PABPC4L: variants seen among roughly 807,000 people sequenced by gnomAD.
PABPC4L encodes the protein polyadenylate-binding protein 4-like.
For synonymous variants in PABPC4L, 169 were observed against 164.1 expected, an observed-to-expected ratio of 1.03 and a Z score of -0.23; for missense variants, 452 against 451.4, an observed-to-expected ratio of 1.00 and a Z score of -0.01.
the PABPC4L span, among the ~76,000 whole-genome samples, chr4:134,068,094 G>T: frequency 6.6e-6 from 1 of 152,094 alleles, no homozygotes; most frequent in East Asian, 1.9e-4. Context: ...CTGTTTTGAT[G>T]ATCTTTCTAA....
the PABPC4L span, among the ~76,000 whole-genome samples, chr4:134,188,970 T>A: frequency 3.9e-5 from 6 of 152,182 alleles, no homozygotes; most frequent in Middle Eastern, 0.01. Flanking sequence ...AGTTCTTGGA[T>A]AATTTTATTT....
the PABPC4L span, among the ~76,000 whole-genome samples, chr4:134,083,401 C>CA: frequency 7.5e-4 from 108 of 144,788 alleles, no homozygotes; most frequent in East Asian, 1.6e-3. Context: ...AGCAACTTGC[C>CA]AAAAAAAAAA....
chr4:134,176,685 C>T, the PABPC4L span, among the ~76,000 whole-genome samples: 2 of 151,980 alleles, frequency 1.3e-5, no homozygotes, highest in African/African-American at 2.4e-5. Context: ...CAGGGGGACA[C>T]AGAACAGAGG....
chr4:134,004,338 A>G, the PABPC4L span, among the ~76,000 whole-genome samples: 3 of 151,982 alleles, frequency 2.0e-5, no homozygotes, highest in East Asian at 5.8e-4. Context: ...AAGGACCTGA[A>G]TAGACATTTC....
At chr4:134,032,588 A>G in the PABPC4L span, among the ~76,000 whole-genome samples, 2 of 152,056 alleles carry the variant, frequency 1.3e-5, no homozygotes, top group South Asian at 2.1e-4. Context: ...TGCACACACT[A>G]TAACAGTAAA....
At chr4:133,987,846 C>T in the PABPC4L span, among the ~76,000 whole-genome samples, 1 of 152,136 alleles carries the variant, frequency 6.6e-6, no homozygotes, top group East Asian at 1.9e-4. Context: ...TAAAGAAATA[C>T]CTGAGTCTGA....
At chr4:133,978,699 T>C in the PABPC4L span, 2 of 152,286 alleles carry the variant, frequency 1.3e-5, no homozygotes, top group East Asian at 3.9e-4. Context: ...AATATAAATT[T>C]ATATTATTAC....
chr4:134,026,756 G>A, the PABPC4L span, among the ~76,000 whole-genome samples: 257 of 152,254 alleles, frequency 1.7e-3, 2 homozygotes, highest in African/African-American at 5.8e-3. Context: ...AATCTTACTG[G>A]TGTTCTATAA....
At chr4:134,152,787 G>C in the PABPC4L span, among the ~76,000 whole-genome samples, 1 of 152,104 alleles carries the variant, frequency 6.6e-6, no homozygotes, top group Non-Finnish European at 1.5e-5. Context: ...AAGCAAAAAG[G>C]TTTTATTTGG....
chr4:133,969,826 TG>T, the PABPC4L span, among the ~76,000 whole-genome samples: 1 of 152,068 alleles, frequency 6.6e-6, no homozygotes, highest in African/African-American at 2.4e-5. Flanking sequence ...ACGCTTATCT[TG>T]ACTATCATAC....
the PABPC4L span, among the ~76,000 whole-genome samples, chr4:134,088,504 T>A: frequency 1.3e-5 from 2 of 152,132 alleles, no homozygotes; most frequent in Non-Finnish European, 2.9e-5. Flanking sequence ...CCAAAATTCA[T>A]GTGTTGAAAC....
At chr4:134,122,975 A>C in the PABPC4L span, among the ~76,000 whole-genome samples, 2 of 151,976 alleles carry the variant, frequency 1.3e-5, no homozygotes, top group African/African-American at 4.8e-5. Context: ...AATACAGACA[A>C]TTCTCATCAT....
At chr4:134,054,250 A>ATT in the PABPC4L span, among the ~76,000 whole-genome samples, 2 of 53,980 alleles carry the variant, frequency 3.7e-5, no homozygotes, top group South Asian at 1.1e-3. Context: ...TTAGTTGTAT[A>ATT]TGTATATATA....
the PABPC4L span, among the ~76,000 whole-genome samples, chr4:134,067,497 T>C: frequency 6.6e-6 from 1 of 152,138 alleles, no homozygotes; most frequent in Non-Finnish European, 1.5e-5. Context: ...CTCATTAATT[T>C]TTATATGGTT....
At chr4:134,146,325 A>G in the PABPC4L span, among the ~76,000 whole-genome samples, 1 of 137,782 alleles carries the variant, frequency 7.3e-6, no homozygotes, top group African/African-American at 2.8e-5. Flanking sequence ...AATTTGAATA[A>G]AAAATTCAAT....
the PABPC4L span, among the ~76,000 whole-genome samples, chr4:134,188,357 A>C: frequency 3.3e-5 from 5 of 152,064 alleles, no homozygotes; most frequent in African/African-American, 1.2e-4. Context: ...AGGGAAGATA[A>C]ATCATATTTT....
At chr4:133,975,554 A>G in the PABPC4L span, among the ~76,000 whole-genome samples, 1 of 152,142 alleles carries the variant, frequency 6.6e-6, no homozygotes, top group Non-Finnish European at 1.5e-5. Flanking sequence ...AGTCAGAAAA[A>G]CACATTCTTT....
At chr4:134,069,028 A>G in the PABPC4L span, among the ~76,000 whole-genome samples, 1 of 152,082 alleles carries the variant, frequency 6.6e-6, no homozygotes. Flanking sequence ...TCTTAGGGTA[A>G]CAAGTTCCCT....
chr4:134,129,808 C>A, the PABPC4L span, among the ~76,000 whole-genome samples: 9 of 151,940 alleles, frequency 5.9e-5, no homozygotes, highest in East Asian at 1.7e-3. Context: ...GTGGCTCACA[C>A]CTGTAATCTC....
Sources: gnomAD v4.1 joint callset for allele counts (sites outside exome capture counted in the v4.1 genomes callset) on GRCh38, gnomAD v4.1.1 for gene constraint, MANE v1.5 for transcripts, NCBI Gene and HGNC (gene_info 2026-07-23, HGNC 2026-07-21) for gene names.